HAP1: variants seen among roughly 807,000 people sequenced by gnomAD.
The protein encoded by HAP1 is huntingtin-associated protein 1.
Under a neutral mutation model 60.3 loss-of-function variants are expected in HAP1, and 59 were observed. That is an observed-to-expected ratio of 0.98 (90% CI 0.79 to 1.22). HAP1 has a LOEUF of 1.22. HAP1 is among the 50% of genes most tolerant of loss of function. The pLI, the probability that HAP1 is intolerant of heterozygous loss-of-function variation, is 0.00. For synonymous variants in HAP1, 346 were observed against 330.6 expected, an observed-to-expected ratio of 1.05 and a Z score of -0.50; for missense variants, 825 against 785.3, an observed-to-expected ratio of 1.05 and a Z score of -0.60.
rs782491628 is a variant in HAP1 at position 41,724,788 on chromosome 17, C to T, written c.1773G>A (p.Leu591=). ...CACCTTTCTGGAGCATCTTCCACCTCAGCTGCCGCCTGTAATGGGCATCTT... is the reference window on the plus strand; with the variant it reads ...CACCTTTCTGGAGCATCTTCCACCTTAGCTGCCGCCTGTAATGGGCATCTT... ...NWQDAHYRRQ[L]RWKMLQKGEC... Residue 591 remains leucine, a synonymous_variant, in exon 11 of 11, where the codon CTG becomes CTA. Coordinates refer to ENST00000347901, the MANE Select transcript of HAP1 (RefSeq NM_177977.3). 6.2e-7 allele frequency: 1 copy of T among 1,611,912 alleles called. No individual in the cohort carries two copies. The highest frequency in any genetic ancestry group is 8.5e-7 in the Non-Finnish European group (1 of 1,179,034).
intron 10 of HAP1, among the ~76,000 whole-genome samples, 154 bp downstream of exon 10, chr17:41,725,705 G>A (rs1330743647): frequency 2.0e-5 from 3 of 152,184 alleles, no homozygotes; most frequent in African/African-American, 7.2e-5. Flanking sequence ...TGAAGGAAAA[G>A]TGGGGCAGCT....
chr17:41,729,868 CA>C (rs71155164), intron 6 of HAP1, among the ~76,000 whole-genome samples: 27,128 of 59,814 alleles, frequency 0.45, 4,689 homozygotes, highest in East Asian at 0.66. Context: ...GAGACTCCGT[CA>C]AAAAAAAAAA....
At chr17:41,730,584 C>T (rs1483270249) in intron 6 of HAP1, among the ~76,000 whole-genome samples, 1 of 152,140 alleles carries the variant, frequency 6.6e-6, no homozygotes, top group Non-Finnish European at 1.5e-5. Flanking sequence ...GGACTGGTTC[C>T]TACTCCAGTA....
chr17:41,730,230 T>A (rs1912088208), intron 6 of HAP1: 1 of 151,520 alleles, frequency 6.6e-6, no homozygotes, highest in African/African-American at 2.4e-5. Flanking sequence ...ACCTGCTCTG[T>A]TTCTGACCTG....
chr17:41,727,708 A>G (rs2045902300), intron 8 of HAP1, 54 bp downstream of exon 8: 2 of 1,234,626 alleles, frequency 1.6e-6, no homozygotes, highest in Admixed American at 1.7e-5. Flanking sequence ...TGGGGTCCCC[A>G]CTCTGGGCCA....
intron 1 of HAP1, among the ~76,000 whole-genome samples, chr17:41,733,564 C>A (rs769481469): frequency 6.6e-6 from 1 of 151,730 alleles, no homozygotes; most frequent in African/African-American, 2.4e-5. Flanking sequence ...ACAGACGCAG[C>A]CACTCACCCT....
At chr17:41,717,880 G>A (rs927521714), downstream of HAP1, 13 of 419,824 alleles carry the variant, frequency 3.1e-5, no homozygotes, top group South Asian at 1.6e-4. Context: ...GCTCATGAGT[G>A]GCTGGTGCAG....
downstream of HAP1, among the ~76,000 whole-genome samples, chr17:41,720,034 C>T (rs1437501776): frequency 4.0e-5 from 6 of 151,560 alleles, no homozygotes; most frequent in Non-Finnish European, 8.8e-5. Context: ...GGATTACAGG[C>T]GCCCACCACC....
At chr17:41,729,563 A>AAAAAAGG in intron 6 of HAP1, among the ~76,000 whole-genome samples, 1 of 143,048 alleles carries the variant, frequency 7.0e-6, no homozygotes. Context: ...AAAAAAAAAA[A>AAAAAAGG]AAAAAAAAAA....
At chr17:41,727,688 GC>G in intron 8 of HAP1, 73 bp downstream of exon 8, 1 of 947,378 alleles carries the variant, frequency 1.1e-6, no homozygotes, top group Non-Finnish European at 1.7e-6. Flanking sequence ...TCAGGTAGCT[GC>G]CAAGGGCCTG....
rs1423029936 is a variant in HAP1, at chr17:41,722,903, G to C, written c.*1798C>G. 1 of 152,540 alleles carries C rather than the reference G, an allele frequency of 6.6e-6. No individual in the cohort carries two copies. The highest frequency in any genetic ancestry group is 1.9e-4 in the East Asian group (1 of 5,176). 9.4% of individuals were successfully genotyped at this position (152,540 alleles called of 1,614,324 possible). The stretch of plus-strand genomic sequence containing the variant: ...CACCCCCAGGCCACTGGCAGAAGAG[G>C]GAGGGAGGGAGAGGAGACACACCAC... On this transcript the variant is annotated 3_prime_UTR_variant, in exon 11 of 11. Coordinates refer to ENST00000347901, the MANE Select transcript of HAP1 (RefSeq NM_177977.3).
chr17:41,727,075 C>G lies in HAP1; in HGVS notation c.1345G>C (p.Asp449His), dbSNP rs1555589029. Residue 449 changes from aspartate (D) to histidine (H), a missense_variant, in exon 9 of 11, where the codon GAC (aspartate) becomes CAC (histidine). Transcript: ENST00000347901. The stretch of plus-strand genomic sequence containing the variant: ...CACCTCTCCATAAAATACACAGGGT[C>G]TGAGATCATCCTCCTTAGAGACGTT... ...LRTSLRRMIS[D>H]PVYFMERNYE... is the part of the protein sequence containing the mutation. 1.9e-6 allele frequency: 3 copies of G among 1,573,252 alleles called. No individual in the cohort carries two copies. In the East Asian group the frequency reaches 6.8e-5, roughly 36 times the overall value.
rs1793184256 is a variant in HAP1 at position 41,723,072 on chromosome 17, T to C, written c.*1629A>G. On this transcript the variant is annotated 3_prime_UTR_variant, in exon 11 of 11. Transcript: ENST00000347901. Reference sequence around the variant, plus strand: ...AGAACCAGGGTGGCTACCATTAGCATGGGCATCAAGGGGTGAGGGGCACAT... The same window carrying C: ...AGAACCAGGGTGGCTACCATTAGCACGGGCATCAAGGGGTGAGGGGCACAT... The C allele has an allele frequency of 6.6e-6, 1 of 152,388 alleles. No individual in the cohort carries two copies. Among genetic ancestry groups the C allele is most frequent in the Non-Finnish European group, 1.5e-5 (1 of 68,230 alleles). 9.4% of individuals were successfully genotyped at this position (152,388 alleles called of 1,614,324 possible).
At chr17:41,727,720 C>T (rs4796600) in intron 8 of HAP1, 42 bp downstream of exon 8, 1,128,686 of 1,381,810 alleles carry the variant, frequency 0.82, 461,858 homozygotes, top group East Asian at 0.88. Context: ...TCTGGGCCAG[C>T]GGCTCTCCAG....
chr17:41,733,313 G>C (rs1309331093), intron 1 of HAP1, among the ~76,000 whole-genome samples: 1 of 147,622 alleles, frequency 6.8e-6, no homozygotes, highest in Non-Finnish European at 1.5e-5. Flanking sequence ...GCCTGCCAAA[G>C]TGCTGGCTGG....
Position 41,732,656 on chromosome 17 carries a change from C to A in HAP1, c.549+63G>T, listed in dbSNP as rs781965270. Reference sequence around the variant, plus strand: ...ACTGCCAATCAGGAAATAAACAAGACCCCCACCCCTACAGGACAAAACTAG... The same window carrying A: ...ACTGCCAATCAGGAAATAAACAAGAACCCCACCCCTACAGGACAAAACTAG... On this transcript the variant is annotated intron_variant, in intron 2 of 10. Coordinates refer to ENST00000347901, the MANE Select transcript of HAP1 (RefSeq NM_177977.3). The A allele has an allele frequency of 1.3e-5, 18 of 1,360,336 alleles. No individual in the cohort carries two copies. In the South Asian group the frequency reaches 2.0e-4, roughly 15 times the overall value. The allele number at this position is 1,360,336 out of a possible 1,614,324, so 84.3% of individuals were successfully genotyped here.
In HAP1 at chr17:41,732,747, A is replaced by C. The variant is rs782509816; in HGVS notation, c.521T>G (p.Val174Gly). ...CTCCAGCAAATATAACATCACTTTG[A>C]CGTCTTCCTGGGTGATCTTTTTGAC... ...PPVKKITQED[V>G]KVMLYLLEEL... The change falls in exon 2 of 11, where the codon GTC (valine) becomes GGC (glycine). Residue 174 changes from valine to glycine, a missense_variant. Physicochemically the swap from Val to Gly is moderately radical, Grantham distance 109. Coordinates refer to ENST00000347901, the MANE Select transcript of HAP1 (RefSeq NM_177977.3). 1 of 1,613,068 alleles carries C rather than the reference A, an allele frequency of 6.2e-7. No individual in the cohort carries two copies. Among genetic ancestry groups the C allele is most frequent in the Non-Finnish European group, 8.5e-7 (1 of 1,179,140 alleles).
In HAP1 at chr17:41,731,990, T is replaced by C; in HGVS notation, c.843A>G (p.Glu281=). The change falls in exon 4 of 11, where the codon GAA becomes GAG. Residue 281 remains glutamate (E), a synonymous_variant. Transcript: ENST00000347901. ...ACTGCAGGTCTTCCTCTGCTTCTTCTTCTTCCTGTTCCTCTTCTGCCTCCT... is the reference window on the plus strand; with the variant it reads ...ACTGCAGGTCTTCCTCTGCTTCTTCCTCTTCCTGTTCCTCTTCTGCCTCCT... ...EEKEAEEEQE[E]EEAEEDLQCA... 7.9e-7 allele frequency: 1 copy of C among 1,268,194 alleles called. No individual in the cohort carries two copies. The highest frequency in any genetic ancestry group is 1.2e-5 in the South Asian group (1 of 82,116). The allele number at this position is 1,268,194 out of a possible 1,614,324, so 78.6% of individuals were successfully genotyped here.
chr17:41,732,601 A>G, intron 2 of HAP1, 118 bp downstream of exon 2: 3 of 1,010,846 alleles, frequency 3.0e-6, no homozygotes, highest in Non-Finnish European at 4.7e-6. Flanking sequence ...GTCTTCCATA[A>G]GAAGGACCCT....
Sources: allele counts gnomAD v4.1 joint callset (sites outside exome capture counted in the v4.1 genomes callset), GRCh38; gene constraint gnomAD v4.1.1; transcripts MANE v1.5; gene names NCBI Gene and HGNC (gene_info 2026-07-23, HGNC 2026-07-21).